Variants in CCDC171 observed in about 807,000 individuals in gnomAD.
CCDC171 encodes the protein coiled-coil domain containing 171.
CCDC171 carries 177 observed loss-of-function variants against 168.2 expected under a neutral mutation model. The ratio of observed to expected loss-of-function variants is 1.05; its 90% CI spans 0.93 to 1.19. The LOEUF is 1.19. CCDC171 is among the 50% of genes most tolerant of loss of function. The pLI is 0.00. For synonymous variants in CCDC171, 687 were observed against 540.8 expected (o/e 1.27, Z -3.75); for missense variants, 1,991 against 1,539.0 (o/e 1.29, Z -4.91).
At chr9:15,598,907 C>A (rs762591775) in intron 6 of CCDC171, among the ~76,000 whole-genome samples, 2 of 151,986 alleles carry the variant, frequency 1.3e-5, no homozygotes, top group Non-Finnish European at 2.9e-5. Flanking sequence ...TATGTAATGG[C>A]CTTCTTTGTC....
In CCDC171 at chr9:15,553,200, T is replaced by G. The variant is rs534360874; in HGVS notation, c.-214T>G. On this transcript the variant is annotated 5_prime_UTR_variant, in exon 1 of 26. Transcript: ENST00000380701. Reference sequence around the variant, plus strand: ...GAGTCCGTCGTGTTCCAACAGTTTTTGCTCTTATTCCCGTGGGCTGCCTGG... The same window carrying G: ...GAGTCCGTCGTGTTCCAACAGTTTTGGCTCTTATTCCCGTGGGCTGCCTGG... 2 of 153,216 alleles carry G rather than the reference T, an allele frequency of 1.3e-5. No homozygotes were observed. The highest frequency in any genetic ancestry group is 2.9e-5 in the Non-Finnish European group (2 of 68,900). The allele number at this position is 153,216 out of a possible 1,614,324, so 9.5% of individuals were successfully genotyped here. A position where few individuals can be genotyped will look rare whatever the true frequency, so the allele number is the denominator to read the frequency against.
At chr9:15,888,536 C>T (rs1041948542) in intron 24 of CCDC171, among the ~76,000 whole-genome samples, 4 of 152,008 alleles carry the variant, frequency 2.6e-5, no homozygotes, top group African/African-American at 9.7e-5. Flanking sequence ...TTTCAAATTC[C>T]AGGGGTATAT....
intron 3 of CCDC171, among the ~76,000 whole-genome samples, chr9:15,984,687 A>G (rs929161497): frequency 6.6e-6 from 1 of 152,126 alleles, no homozygotes; most frequent in South Asian, 2.1e-4. Flanking sequence ...GTTTTATAGA[A>G]TATTTATCAA....
At chr9:15,795,366 T>G (rs1184509104) in intron 21 of CCDC171, among the ~76,000 whole-genome samples, 1 of 152,236 alleles carries the variant, frequency 6.6e-6, no homozygotes, top group African/African-American at 2.4e-5. Flanking sequence ...CTCTCAGCAC[T>G]GTTGCATTGG....
intron 25 of CCDC171, among the ~76,000 whole-genome samples, chr9:15,935,396 G>A (rs1235876920): frequency 6.6e-6 from 1 of 151,876 alleles, no homozygotes; most frequent in Non-Finnish European, 1.5e-5. Context: ...TAAAATGAAG[G>A]GTTGCTATTT....
At chr9:15,995,987 A>C (rs1832358098) in intron 3 of CCDC171, among the ~76,000 whole-genome samples, 1 of 152,170 alleles carries the variant, frequency 6.6e-6, no homozygotes, top group South Asian at 2.1e-4. Flanking sequence ...AAACCCCAGT[A>C]GTTTATTCTT....
intron 24 of CCDC171, among the ~76,000 whole-genome samples, chr9:15,905,105 C>T (rs1252879940): frequency 2.0e-5 from 3 of 152,206 alleles, no homozygotes; most frequent in African/African-American, 7.2e-5. Context: ...CAACATTAGA[C>T]AGATCAACGA....
intron 8 of CCDC171, among the ~76,000 whole-genome samples, chr9:15,662,531 G>A (rs1168508925): frequency 6.6e-6 from 1 of 152,112 alleles, no homozygotes; most frequent in Non-Finnish European, 1.5e-5. Flanking sequence ...ATCTGTCACA[G>A]GAAGCATATA....
intron 2 of CCDC171, among the ~76,000 whole-genome samples, 192 bp from the exon 3 acceptor site, chr9:15,571,432 A>G (rs550148108): frequency 6.6e-6 from 1 of 152,008 alleles, no homozygotes. Context: ...GTATCTATCT[A>G]TATATATATA....
the CCDC171 span, among the ~76,000 whole-genome samples, chr9:16,101,812 T>C: frequency 6.6e-6 from 1 of 152,282 alleles, no homozygotes; most frequent in Non-Finnish European, 1.5e-5. Context: ...CTCAGCTCCA[T>C]GCTGCAATGA....
At chr9:16,061,676 GC>G (rs1289619697), downstream of CCDC171, 1 of 152,200 alleles carries the variant, frequency 6.6e-6, no homozygotes, top group African/African-American at 2.4e-5. Context: ...CTTACTGTGT[GC>G]AAAGAACTAT....
chr9:15,929,569 T>G (rs1027838854), intron 25 of CCDC171, among the ~76,000 whole-genome samples: 1 of 151,732 alleles, frequency 6.6e-6, no homozygotes, highest in Admixed American at 6.6e-5. Context: ...CCACCAATAT[T>G]TAATTTATTG....
intron 21 of CCDC171, among the ~76,000 whole-genome samples, chr9:15,789,137 T>C (rs1427853584): frequency 6.6e-6 from 1 of 152,010 alleles, no homozygotes; most frequent in Non-Finnish European, 1.5e-5. Flanking sequence ...AATTTGAAAA[T>C]CCAAAATCCA....
chr9:15,912,499 G>A (rs976389624), intron 24 of CCDC171, among the ~76,000 whole-genome samples: 1 of 152,114 alleles, frequency 6.6e-6, no homozygotes, highest in Non-Finnish European at 1.5e-5. Context: ...TGCAAACAGA[G>A]GTAATTGACT....
At chr9:15,851,610 C>G (rs957842338) in intron 23 of CCDC171, among the ~76,000 whole-genome samples, 1 of 151,760 alleles carries the variant, frequency 6.6e-6, no homozygotes, top group Non-Finnish European at 1.5e-5. Flanking sequence ...GAAAACAACT[C>G]ACCAGTTTAA....
At chr9:15,573,335 G>C (rs1333626656) in intron 3 of CCDC171, among the ~76,000 whole-genome samples, 1 of 152,072 alleles carries the variant, frequency 6.6e-6, no homozygotes, top group Admixed American at 6.5e-5. Context: ...GAGTGCAGTG[G>C]AGCGATCTCG....
intron 8 of CCDC171, among the ~76,000 whole-genome samples, chr9:15,658,445 G>C (rs568805320): frequency 3.9e-5 from 6 of 152,270 alleles, no homozygotes; most frequent in Admixed American, 2.0e-4. Flanking sequence ...GGAAAAGAGG[G>C]CTCCTGTGGC....
intron 25 of CCDC171, among the ~76,000 whole-genome samples, chr9:15,921,324 G>T (rs1825303504): frequency 6.6e-6 from 1 of 151,548 alleles, no homozygotes; most frequent in Non-Finnish European, 1.5e-5. Flanking sequence ...TGTAACCAGG[G>T]TATTCAAAAT....
rs191481169 is a variant in CCDC171 at position 15,725,831 on chromosome 9, A to T, written c.1692+855A>T. On this transcript the variant is annotated intron_variant, in intron 14 of 25. Transcript: ENST00000380701. ...CTCTGTATAATTATAGGATGTTAAT[A>T]AAAATTTAGAAAAATAAGAGTCCCA... 3.0e-3 allele frequency among the ~76,000 whole-genome samples: 451 copies of T among 152,326 alleles called. 3 individuals carry two copies. Among genetic ancestry groups the T allele is most frequent in the Non-Finnish European group, 4.8e-3 (327 of 68,026 alleles).
Sources: gnomAD v4.1 joint callset for allele counts (sites outside exome capture counted in the v4.1 genomes callset) on GRCh38, gnomAD v4.1.1 for gene constraint, MANE v1.5 for transcripts, NCBI Gene and HGNC (gene_info 2026-07-23, HGNC 2026-07-21) for gene names.